The following LRP1B variants were observed in gnomAD, a reference collection of about 807,000 sequenced individuals.
LRP1B encodes low-density lipoprotein receptor-related protein 1B.
Under a neutral mutation model 556.6 loss-of-function variants are expected in LRP1B, and 217 were observed. The ratio of observed to expected loss-of-function variants is 0.39; its 90% CI spans 0.35 to 0.44. LRP1B has a LOEUF of 0.44. Ranked by LOEUF, LRP1B falls within the 20% of genes least tolerant of loss-of-function variation. The pLI, the probability that LRP1B is intolerant of heterozygous loss-of-function variation, is 1.00. For missense variants in LRP1B, 5,053 were observed against 5,620.8 expected, an observed-to-expected ratio of 0.90 and a Z score of 3.23; for synonymous variants, 2,047 against 1,865.8, an observed-to-expected ratio of 1.10 and a Z score of -2.50.
intron 6 of LRP1B, among the ~76,000 whole-genome samples, chr2:141,198,164 AT>A (rs1266488633): frequency 6.6e-6 from 1 of 152,094 alleles, no homozygotes; most frequent in African/African-American, 2.4e-5. Context: ...ATATAATTGC[AT>A]TTATTTTTAC....
Position 140,231,997 on chromosome 2 carries a change from T to C in LRP1B, c.*1189A>G, listed in dbSNP as rs1444003547. 1 of 151,568 alleles carries C rather than the reference T, an allele frequency of 6.6e-6. No homozygotes were observed. The highest frequency in any genetic ancestry group is 1.5e-5 in the Non-Finnish European group (1 of 67,526). 9.4% of individuals were successfully genotyped at this position (151,568 alleles called of 1,614,324 possible). A position where few individuals can be genotyped will look rare whatever the true frequency, so the allele number is the denominator to read the frequency against. On this transcript the variant is annotated 3_prime_UTR_variant, in exon 91 of 91. Coordinates refer to ENST00000389484, the MANE Select transcript of LRP1B (RefSeq NM_018557.3). ...ACCAAACGTGAATGGGGTCCATGCG[T>C]TCTGTAAAACCCAGAGAAACCTGAA... is the stretch of plus-strand genomic sequence containing the variant.
chr2:141,159,934 C>A (rs1008706289), intron 7 of LRP1B, among the ~76,000 whole-genome samples: 2 of 151,938 alleles, frequency 1.3e-5, no homozygotes, highest in African/African-American at 4.8e-5. Flanking sequence ...TAAGTGGGAA[C>A]TGAACATTGA....
chr2:141,292,034 G>A (rs1354097001), intron 3 of LRP1B, among the ~76,000 whole-genome samples: 1 of 152,216 alleles, frequency 6.6e-6, no homozygotes. Flanking sequence ...GAACGAGGCT[G>A]CGCAGCAGCA....
At chr2:140,278,035 A>G (rs1395292928) in intron 84 of LRP1B, among the ~76,000 whole-genome samples, 1 of 31,052 alleles carries the variant, frequency 3.2e-5, no homozygotes, top group Non-Finnish European at 1.0e-4. Context: ...GCACATATAC[A>G]AACACACACA....
chr2:141,558,712 T>C (rs939450158), intron 2 of LRP1B, among the ~76,000 whole-genome samples: 1 of 151,788 alleles, frequency 6.6e-6, no homozygotes, highest in Non-Finnish European at 1.5e-5. Flanking sequence ...AGCTGTAGAC[T>C]ATGTTTACGC....
intron 33 of LRP1B, among the ~76,000 whole-genome samples, chr2:140,771,821 G>T (rs1689322408): frequency 6.6e-6 from 1 of 152,188 alleles, no homozygotes; most frequent in South Asian, 2.1e-4. Context: ...TTTACTGGAT[G>T]TTCAAGCACT....
At chr2:140,548,687 C>T (rs1680436512) in intron 43 of LRP1B, among the ~76,000 whole-genome samples, 1 of 152,068 alleles carries the variant, frequency 6.6e-6, no homozygotes, top group African/African-American at 2.4e-5. Context: ...TTTTAGGAGG[C>T]CAAGGTAGGC....
At chr2:141,351,092 G>T (rs193163524) in intron 3 of LRP1B, among the ~76,000 whole-genome samples, 2 of 151,688 alleles carry the variant, frequency 1.3e-5, no homozygotes, top group Admixed American at 1.3e-4. Context: ...TTCAGATATC[G>T]CCACACCAAC....
In LRP1B at chr2:140,439,675, G is replaced by T. The variant is rs1447117782; in HGVS notation, c.10414+2829C>A. Among the ~76,000 whole-genome samples, 4 of 151,892 alleles carry T rather than the reference G, an allele frequency of 2.6e-5. No individual in the cohort carries two copies. The East Asian group carries it at 7.7e-4, about 29-fold the overall frequency. On this transcript the variant is annotated intron_variant, in intron 66 of 90. Coordinates refer to ENST00000389484, the MANE Select transcript of LRP1B (RefSeq NM_018557.3). ...TTAATTTTTAAAATTTATATCCAAA[G>T]TCTCACCAAGACTAAATTATTAAGC...
chr2:140,538,331 G>A (rs1170239914), intron 45 of LRP1B, among the ~76,000 whole-genome samples: 1 of 152,066 alleles, frequency 6.6e-6, no homozygotes, highest in Non-Finnish European at 1.5e-5. Context: ...CCCGGGTACT[G>A]AGCATAGTAC....
chr2:140,352,623 T>C (rs1268824609), intron 76 of LRP1B, among the ~76,000 whole-genome samples: 1 of 152,150 alleles, frequency 6.6e-6, no homozygotes, highest in African/African-American at 2.4e-5. Context: ...GGGGTATAAT[T>C]TTTCTCATAT....
chr2:141,985,390 T>G (rs1702158601), intron 1 of LRP1B, among the ~76,000 whole-genome samples: 1 of 143,874 alleles, frequency 7.0e-6, no homozygotes, highest in African/African-American at 2.5e-5. Flanking sequence ...GGGTCACTAT[T>G]TTATATTTCG....
At chr2:141,096,733 G>T (rs970815256) in intron 7 of LRP1B, among the ~76,000 whole-genome samples, 1 of 147,652 alleles carries the variant, frequency 6.8e-6, no homozygotes, top group Non-Finnish European at 1.5e-5. Flanking sequence ...TAGTTGTATG[G>T]TCAAGTAACA....
At chr2:140,417,453 G>A (rs1435256041) in intron 66 of LRP1B, among the ~76,000 whole-genome samples, 1 of 152,170 alleles carries the variant, frequency 6.6e-6, no homozygotes, top group Non-Finnish European at 1.5e-5. Context: ...ACTATTATAT[G>A]CAATCCAGGT....
intron 7 of LRP1B, among the ~76,000 whole-genome samples, chr2:141,094,915 G>T (rs1700258602): frequency 6.6e-6 from 1 of 152,190 alleles, no homozygotes; most frequent in Non-Finnish European, 1.5e-5. Flanking sequence ...GTTTGAATGT[G>T]TCCCCCCAAA....
intron 1 of LRP1B, among the ~76,000 whole-genome samples, chr2:142,002,123 C>G (rs1702673460): frequency 1.3e-5 from 2 of 152,076 alleles, no homozygotes; most frequent in Admixed American, 6.6e-5. Context: ...AAGTAGGAAC[C>G]ACTTTAAAAA....
chr2:140,646,034 T>C (rs1684471739), intron 41 of LRP1B, among the ~76,000 whole-genome samples: 1 of 152,192 alleles, frequency 6.6e-6, no homozygotes, highest in Non-Finnish European at 1.5e-5. Context: ...CAATCAGTCA[T>C]TAAAGTTCTG....
Position 141,295,242 on chromosome 2 carries a change from T to A in LRP1B, c.344-40601A>T, listed in dbSNP as rs115016746. On this transcript the variant is annotated intron_variant, in intron 3 of 90. Transcript: ENST00000389484. ...CCCCTTATATTATCATAAATTTAAT[T>A]CCCATTTCATTTTATTTCAAGTTGA... Among the ~76,000 whole-genome samples the A allele has an allele frequency of 4.2e-3, 637 of 152,302 alleles. 3 individuals are homozygous for A. The highest frequency in any genetic ancestry group is 7.4e-3 in the Non-Finnish European group (502 of 68,006).
intron 2 of LRP1B, among the ~76,000 whole-genome samples, chr2:141,673,817 C>G (rs1041380068): frequency 2.0e-5 from 3 of 151,890 alleles, no homozygotes; most frequent in Non-Finnish European, 2.9e-5. Flanking sequence ...CCTAAATTGT[C>G]CACTGCAATG....
Sources: gnomAD v4.1 joint callset for allele counts (sites outside exome capture counted in the v4.1 genomes callset) on GRCh38, gnomAD v4.1.1 for gene constraint, MANE v1.5 for transcripts, NCBI Gene and HGNC (gene_info 2026-07-23, HGNC 2026-07-21) for gene names.